Variants in NEGR1 observed in about 807,000 individuals in gnomAD.
The protein encoded by NEGR1 is neuronal growth regulator 1.
Under a neutral mutation model 40.9 loss-of-function variants are expected in NEGR1, and 10 were observed. That is an observed-to-expected ratio of 0.24 (90% CI 0.15 to 0.42). The LOEUF is 0.42. Ranked by LOEUF, NEGR1 falls within the 10% of genes least tolerant of loss-of-function variation. The pLI, the probability that NEGR1 is intolerant of heterozygous loss-of-function variation, is 1.00. For missense variants in NEGR1, 352 were observed against 438.9 expected, an observed-to-expected ratio of 0.80 and a Z score of 1.77; for synonymous variants, 185 against 166.8, an observed-to-expected ratio of 1.11 and a Z score of -0.84.
chr1:71,566,057 T>C (rs1648610118), intron 6 of NEGR1, among the ~76,000 whole-genome samples: 1 of 151,812 alleles, frequency 6.6e-6, no homozygotes, highest in Admixed American at 6.6e-5. Flanking sequence ...GGCTGGGAAA[T>C]GGGCACAGAA....
At chr1:72,026,894 G>A (rs1476618914) in intron 1 of NEGR1, among the ~76,000 whole-genome samples, 1 of 151,718 alleles carries the variant, frequency 6.6e-6, no homozygotes, top group Non-Finnish European at 1.5e-5. Flanking sequence ...AAAGATAATA[G>A]TCTTAAGACT....
chr1:71,992,594 T>C (rs1448351975), intron 1 of NEGR1, among the ~76,000 whole-genome samples: 1 of 152,236 alleles, frequency 6.6e-6, no homozygotes, highest in Admixed American at 6.5e-5. Context: ...TGAGGTATTA[T>C]GGAACCCTTT....
chr1:71,917,696 C>T (rs527939407), intron 2 of NEGR1, among the ~76,000 whole-genome samples: 1 of 149,160 alleles, frequency 6.7e-6, no homozygotes, highest in African/African-American at 2.5e-5. Flanking sequence ...AGGAGAATGG[C>T]GTGAACCCGG....
chr1:72,277,646 G>C (rs1447412581), intron 1 of NEGR1, among the ~76,000 whole-genome samples: 1 of 152,154 alleles, frequency 6.6e-6, no homozygotes, highest in South Asian at 2.1e-4. Context: ...TATTTTTCCA[G>C]ATTGACCATT....
chr1:71,821,243 G>A (rs930022125), intron 2 of NEGR1, among the ~76,000 whole-genome samples: 1 of 151,868 alleles, frequency 6.6e-6, no homozygotes. Context: ...TTACATCAAT[G>A]ATATTATATT....
At chr1:71,966,484 C>T (rs1646210602) in intron 1 of NEGR1, among the ~76,000 whole-genome samples, 2 of 152,250 alleles carry the variant, frequency 1.3e-5, no homozygotes, top group South Asian at 4.1e-4. Flanking sequence ...GAGTTACACG[C>T]TGTTTTTTCT....
intron 2 of NEGR1, among the ~76,000 whole-genome samples, chr1:71,838,485 C>T (rs897161794): frequency 1.3e-5 from 2 of 152,004 alleles, no homozygotes; most frequent in African/African-American, 4.8e-5. Context: ...CTAGCTTTGA[C>T]TAAGGTAAAA....
At chr1:72,213,469 C>T (rs1017992709) in intron 1 of NEGR1, among the ~76,000 whole-genome samples, 1 of 151,862 alleles carries the variant, frequency 6.6e-6, no homozygotes, top group Non-Finnish European at 1.5e-5. Flanking sequence ...TGAAAACATT[C>T]ATCCAGGTAA....
At chr1:72,060,655 A>G (rs1468671663) in intron 1 of NEGR1, among the ~76,000 whole-genome samples, 1 of 151,640 alleles carries the variant, frequency 6.6e-6, no homozygotes, top group African/African-American at 2.4e-5. Context: ...GGGGATGAAT[A>G]AAATTCTGTG....
chr1:71,640,393 C>T (rs137987717), intron 4 of NEGR1, among the ~76,000 whole-genome samples: 115 of 152,112 alleles, frequency 7.6e-4, no homozygotes, highest in African/African-American at 2.5e-3. Flanking sequence ...GAGTGTCAAA[C>T]GGAATTATTC....
chr1:71,733,289 G>A (rs191680166), intron 3 of NEGR1, among the ~76,000 whole-genome samples: 22 of 152,062 alleles, frequency 1.4e-4, no homozygotes, highest in East Asian at 1.9e-4. Flanking sequence ...AATCAGTGAG[G>A]GTTTTGAGGG....
intron 1 of NEGR1, among the ~76,000 whole-genome samples, chr1:72,180,520 G>C (rs1215538735): frequency 1.3e-5 from 2 of 151,704 alleles, no homozygotes; most frequent in African/African-American, 2.4e-5. Context: ...TCAACAAAAT[G>C]AAACAGAGGT....
chr1:72,220,920 T>TG (rs1025624863), intron 1 of NEGR1, among the ~76,000 whole-genome samples: 8 of 151,038 alleles, frequency 5.3e-5, no homozygotes, highest in Admixed American at 3.3e-4. Flanking sequence ...TAAAGTTTTT[T>TG]TTTTTTTTTT....
intron 5 of NEGR1, among the ~76,000 whole-genome samples, chr1:71,606,116 G>A (rs377036170): frequency 6.6e-6 from 1 of 152,106 alleles, no homozygotes; most frequent in African/African-American, 2.4e-5. Context: ...CATTGAATAA[G>A]GTTTCCCCAT....
At chr1:71,493,172 T>A (rs2101388649) in intron 6 of NEGR1, among the ~76,000 whole-genome samples, 1 of 152,272 alleles carries the variant, frequency 6.6e-6, no homozygotes, top group South Asian at 2.1e-4. Flanking sequence ...TATACTTATA[T>A]TCCTGCAATT....
intron 4 of NEGR1, among the ~76,000 whole-genome samples, chr1:71,673,196 G>T (rs1652495108): frequency 6.6e-6 from 1 of 151,930 alleles, no homozygotes; most frequent in Admixed American, 6.6e-5. Flanking sequence ...CCAAGATCAT[G>T]CCACTGCACT....
At chr1:71,681,122 A>G (rs1273338542) in intron 4 of NEGR1, among the ~76,000 whole-genome samples, 1 of 152,250 alleles carries the variant, frequency 6.6e-6, no homozygotes, top group Admixed American at 6.5e-5. Flanking sequence ...GTGAACAAGA[A>G]AGGTGGATTT....
At chr1:71,689,233 C>A (rs1271622207) in intron 4 of NEGR1, among the ~76,000 whole-genome samples, 1 of 152,182 alleles carries the variant, frequency 6.6e-6, no homozygotes, top group Non-Finnish European at 1.5e-5. Flanking sequence ...TATCCAGAAT[C>A]ATTTGACTGA....
rs189956360 is a variant in NEGR1 at position 71,730,523 on chromosome 1, T to G, written c.536-32384A>C. On this transcript the variant is annotated intron_variant, in intron 3 of 6. Transcript: ENST00000357731. ...TTTTATTGAATATATATGTTTTATA[T>G]ATATAATTTGACTTTTCAAATTATA... is the stretch of plus-strand genomic sequence containing the variant. Among the ~76,000 whole-genome samples, 12 of 147,892 alleles carry G rather than the reference T, an allele frequency of 8.1e-5. No individual in the cohort carries two copies. The East Asian group carries it at 2.4e-3, about 29-fold the overall frequency.
Sources: allele counts gnomAD v4.1 joint callset (sites outside exome capture counted in the v4.1 genomes callset), GRCh38; gene constraint gnomAD v4.1.1; transcripts MANE v1.5; gene names NCBI Gene and HGNC (gene_info 2026-07-23, HGNC 2026-07-21).